Variants in ALDH1A2 observed in about 807,000 individuals in gnomAD.
The protein encoded by ALDH1A2 is retinal dehydrogenase 2.
ALDH1A2 carries 27 observed loss-of-function variants against 60.3 expected under a neutral mutation model. The ratio of observed to expected loss-of-function variants is 0.45; its 90% CI spans 0.33 to 0.62. ALDH1A2 has a LOEUF of 0.62. Ranked by LOEUF, ALDH1A2 falls within the 20% of genes least tolerant of loss-of-function variation. The pLI is 0.02. For missense variants in ALDH1A2, 581 were observed against 643.8 expected (o/e 0.90, Z 1.06); for synonymous variants, 289 against 232.4 (o/e 1.24, Z -2.21).
intron 1 of ALDH1A2, among the ~76,000 whole-genome samples, chr15:58,023,441 G>A (rs986581292): frequency 1.3e-5 from 2 of 152,172 alleles, no homozygotes; most frequent in Admixed American, 1.3e-4. Flanking sequence ...GATACAGGAT[G>A]CTTAATGATT....
intron 1 of ALDH1A2, among the ~76,000 whole-genome samples, chr15:58,015,060 C>A (rs1451968354): frequency 1.3e-5 from 2 of 152,202 alleles, no homozygotes; most frequent in Non-Finnish European, 1.5e-5. Flanking sequence ...AAGAAAAGGC[C>A]AGAAAAATTT....
In ALDH1A2 at chr15:58,061,525, G is replaced by A. The variant is rs184043176; in HGVS notation, c.117+4009C>T. On this transcript the variant is annotated intron_variant, in intron 1 of 12. Coordinates refer to ENST00000249750, the MANE Select transcript of ALDH1A2 (RefSeq NM_003888.4). ...AGATAGCTCCTTCTTAAGAGGGGTAGACTAGTTCATATTTTCTCCATGGTT... is the reference window on the plus strand; with the variant it reads ...AGATAGCTCCTTCTTAAGAGGGGTAAACTAGTTCATATTTTCTCCATGGTT... Among the ~76,000 whole-genome samples, 452 of 140,076 alleles carry A rather than the reference G, an allele frequency of 3.2e-3. 3 individuals carry two copies. Among genetic ancestry groups the A allele is most frequent in the African/African-American group, 0.011 (433 of 37,998 alleles). The allele number at this position is 140,076 out of a possible 152,430, so 91.9% of individuals were successfully genotyped here. A position where few individuals can be genotyped will look rare whatever the true frequency, so the allele number is the denominator to read the frequency against.
Position 57,954,323 on chromosome 15 carries a change from A to C in ALDH1A2, c.*874T>G, listed in dbSNP as rs1174181857. 3 of 152,726 alleles carry C rather than the reference A, an allele frequency of 2.0e-5. No individual in the cohort carries two copies. The highest frequency in any genetic ancestry group is 7.2e-5 in the African/African-American group (3 of 41,462). The allele number at this position is 152,726 out of a possible 1,614,324, so 9.5% of individuals were successfully genotyped here. ...TGTCTGCAAGGCATCCAGCATTATC[A>C]AATTCTTGGGCCTACTCGGATTGTT... On this transcript the variant is annotated 3_prime_UTR_variant, in exon 13 of 13. Transcript: ENST00000249750.
At chr15:58,044,957 G>T (rs1011178148) in intron 1 of ALDH1A2, among the ~76,000 whole-genome samples, 3 of 151,610 alleles carry the variant, frequency 2.0e-5, no homozygotes, top group Non-Finnish European at 4.4e-5. Context: ...GACTGAAAAA[G>T]AAAAGCATAT....
intron 1 of ALDH1A2, among the ~76,000 whole-genome samples, chr15:58,015,197 G>C (rs1356601144): frequency 6.6e-6 from 1 of 152,150 alleles, no homozygotes; most frequent in Non-Finnish European, 1.5e-5. Context: ...TTATGAACCA[G>C]TCAGTCATCT....
intron 7 of ALDH1A2, among the ~76,000 whole-genome samples, chr15:57,971,349 TA>T (rs1894060511): frequency 6.6e-6 from 1 of 152,236 alleles, no homozygotes; most frequent in Admixed American, 6.5e-5. Context: ...CTCACAGTGC[TA>T]TGTACGTAAC....
chr15:58,006,859 T>TA (rs35453203), intron 4 of ALDH1A2, among the ~76,000 whole-genome samples: 1,886 of 139,858 alleles, frequency 0.013, 47 homozygotes, highest in African/African-American at 0.047. Flanking sequence ...CTCATATTGT[T>TA]AAAAAAAAAA....
At chr15:58,001,323 A>C (rs1895261219) in intron 4 of ALDH1A2, among the ~76,000 whole-genome samples, 1 of 151,950 alleles carries the variant, frequency 6.6e-6, no homozygotes, top group Non-Finnish European at 1.5e-5. Context: ...TAGGTGGATA[A>C]TCACAAATCA....
At chr15:58,002,976 G>C (rs909952616) in intron 4 of ALDH1A2, among the ~76,000 whole-genome samples, 1 of 151,882 alleles carries the variant, frequency 6.6e-6, no homozygotes, top group Non-Finnish European at 1.5e-5. Flanking sequence ...GAAACTGTAT[G>C]TTAGTATGAA....
intron 12 of ALDH1A2, among the ~76,000 whole-genome samples, chr15:57,955,962 C>T (rs940480715): frequency 6.6e-6 from 1 of 152,154 alleles, no homozygotes. Flanking sequence ...GAAAGTCACT[C>T]TTCAGTGATG....
chr15:58,003,166 C>T (rs1234056167), intron 4 of ALDH1A2, among the ~76,000 whole-genome samples: 1 of 151,790 alleles, frequency 6.6e-6, no homozygotes, highest in Non-Finnish European at 1.5e-5. Context: ...CTTAGGGATC[C>T]CTGAGGCCCT....
intron 1 of ALDH1A2, among the ~76,000 whole-genome samples, chr15:58,051,662 T>A (rs983339456): frequency 1.3e-5 from 2 of 152,128 alleles, no homozygotes; most frequent in Non-Finnish European, 2.9e-5. Context: ...TGGCCCCATA[T>A]GGCCTGATCA....
intron 7 of ALDH1A2, among the ~76,000 whole-genome samples, chr15:57,978,648 G>T (rs1894362040): frequency 6.6e-6 from 1 of 152,142 alleles, no homozygotes; most frequent in African/African-American, 2.4e-5. Flanking sequence ...TGGGTGGGGG[G>T]TCCCTGTGCA....
At chr15:58,058,002 C>T in intron 1 of ALDH1A2, 2 of 1,406,126 alleles carry the variant, frequency 1.4e-6, no homozygotes, top group Non-Finnish European at 1.9e-6. Context: ...ATAGATGAGG[C>T]AGAATTCACC....
intron 7 of ALDH1A2, among the ~76,000 whole-genome samples, chr15:57,969,814 C>CGTACTCGT (rs35325539): frequency 0.046 from 7,028 of 152,178 alleles, 501 homozygotes; most frequent in African/African-American, 0.15. Context: ...GATTTTACAA[C>CGTACTCGT]GTACTCGTGT....
intron 10 of ALDH1A2, among the ~76,000 whole-genome samples, chr15:57,961,727 C>G (rs1226785661): frequency 6.6e-6 from 1 of 152,214 alleles, no homozygotes; most frequent in Admixed American, 6.5e-5. Context: ...GAGAGCCGAA[C>G]TATTGCCAGT....
intron 1 of ALDH1A2, among the ~76,000 whole-genome samples, chr15:58,055,803 G>C (rs1388904068): frequency 6.6e-6 from 1 of 151,978 alleles, no homozygotes; most frequent in Non-Finnish European, 1.5e-5. Flanking sequence ...AAGAAGTAAT[G>C]TTATTTTCAG....
intron 7 of ALDH1A2, among the ~76,000 whole-genome samples, chr15:57,971,460 C>G (rs1125360): frequency 0.075 from 11,442 of 152,258 alleles, 437 homozygotes; most frequent in Middle Eastern, 0.13. Context: ...GGGTCTCACT[C>G]TCTTGCCAAG....
chr15:57,995,280 T>G, intron 4 of ALDH1A2, 141 bp from the exon 5 acceptor site: 1 of 674,790 alleles, frequency 1.5e-6, no homozygotes, highest in South Asian at 1.7e-5. Context: ...CAACCGTGCA[T>G]GAAAGCTGGT....
Sources: gnomAD v4.1 joint callset for allele counts (sites outside exome capture counted in the v4.1 genomes callset) on GRCh38, gnomAD v4.1.1 for gene constraint, MANE v1.5 for transcripts, NCBI Gene and HGNC (gene_info 2026-07-23, HGNC 2026-07-21) for gene names.